TNS1: variants seen among roughly 807,000 people sequenced by gnomAD.
TNS1 encodes the protein tensin 1.
Under a neutral mutation model 168.6 loss-of-function variants are expected in TNS1, and 62 were observed. The ratio of observed to expected loss-of-function variants is 0.37; its 90% CI spans 0.30 to 0.45. TNS1 has a LOEUF of 0.45. Ranked by LOEUF, TNS1 falls within the 20% of genes least tolerant of loss-of-function variation. The pLI, the probability that TNS1 is intolerant of heterozygous loss-of-function variation, is 1.00. For missense variants in TNS1, 2,240 were observed against 2,339.4 expected (o/e 0.96, Z 0.88); for synonymous variants, 934 against 933.2 (o/e 1.00, Z -0.02).
chr2:217,898,607 T>G (rs1575001266), intron 7 of TNS1, among the ~76,000 whole-genome samples: 5 of 152,260 alleles, frequency 3.3e-5, no homozygotes, highest in Admixed American at 2.0e-4. Flanking sequence ...CTTGGCCTTC[T>G]CCCCACCTCT....
intron 10 of TNS1, 91 bp downstream of exon 10, chr2:217,893,348 A>C (rs1010294586): frequency 5.4e-6 from 8 of 1,474,316 alleles, no homozygotes; most frequent in African/African-American, 1.4e-5. Context: ...AGGTACACAC[A>C]ATCATCCAAG....
intron 18 of TNS1, among the ~76,000 whole-genome samples, chr2:217,871,505 G>A (rs1374788089): frequency 1.3e-5 from 2 of 152,224 alleles, no homozygotes; most frequent in Non-Finnish European, 2.9e-5. Context: ...ATTTCCCTGA[G>A]TTATCTGGGA....
rs199828534 is a variant in TNS1 at position 217,847,834 on chromosome 2, C to T, written c.2683G>A (p.Gly895Arg). 6 of 1,593,630 alleles carry T rather than the reference C, an allele frequency of 3.8e-6. No individual in the cohort carries two copies. Among genetic ancestry groups the T allele is most frequent in the Middle Eastern group, 3.3e-4 (2 of 5,986 alleles). Residue 895 changes from glycine (G) to arginine (R), a missense_variant, in exon 19 of 33, where the codon GGG (glycine) becomes AGG (arginine). Physicochemically the swap from Gly to Arg is moderately radical, Grantham distance 125. Around this residue, in one of 2 missense-constraint regions of TNS1, gnomAD observed 2,131 missense variants for 2,171.2 expected, o/e 0.98. Coordinates refer to ENST00000682258, the MANE Select transcript of TNS1 (RefSeq NM_001387777.1). ...TQSRSGYIPS[G>R]HSLGTPEPAP... ...GGCTCAGGGGTTCCCAACGAATGCC[C>T]ACTGGGGATATAGCCAGATCTGGAC...
chr2:218,002,791 CG>C (rs1559408973), intron 1 of TNS1, 48 bp downstream of exon 1: 1 of 456,208 alleles, frequency 2.2e-6, no homozygotes, highest in East Asian at 7.0e-5. Context: ...CGGTGGGGGG[CG>C]GGGGGTTTGA....
chr2:217,827,534 G>C (rs1297988054), intron 22 of TNS1, among the ~76,000 whole-genome samples: 1 of 152,180 alleles, frequency 6.6e-6, no homozygotes, highest in Non-Finnish European at 1.5e-5. Flanking sequence ...GCCACGGGCA[G>C]CAATTCCAAC....
Position 217,906,111 on chromosome 2 carries a change from C to A in TNS1, c.321+224G>T, listed in dbSNP as rs373887905. ...ACCCGCCCTGAGCACCGAGGCCTGG[C>A]GCAGTCGCTGATGAATGAGCTCTGG... On this transcript the variant is annotated intron_variant, in intron 6 of 32. Coordinates refer to ENST00000682258, the MANE Select transcript of TNS1 (RefSeq NM_001387777.1). Among the ~76,000 whole-genome samples the A allele has an allele frequency of 1.9e-4, 29 of 152,276 alleles. No homozygotes were observed. In the East Asian group the frequency reaches 4.2e-3, roughly 22 times the overall value.
intron 3 of TNS1, among the ~76,000 whole-genome samples, chr2:217,936,189 T>C (rs113077169): frequency 2.0e-5 from 3 of 152,020 alleles, no homozygotes; most frequent in Admixed American, 1.3e-4. Flanking sequence ...GGAACACTCC[T>C]GTTCGTTCAT....
chr2:217,843,030 T>G (rs41497947), intron 19 of TNS1, among the ~76,000 whole-genome samples: 65,775 of 151,920 alleles, frequency 0.43, 15,088 homozygotes, highest in African/African-American at 0.6. Context: ...TTTGCCACCA[T>G]TTTCACAAAG....
intron 3 of TNS1, among the ~76,000 whole-genome samples, chr2:217,971,242 C>T (rs1232139821): frequency 3.3e-5 from 5 of 152,188 alleles, no homozygotes; most frequent in Admixed American, 6.5e-5. Flanking sequence ...ATCTCCCCAC[C>T]ACTCCCAACT....
chr2:217,921,527 G>C (rs992241442), intron 3 of TNS1, among the ~76,000 whole-genome samples: 2 of 152,356 alleles, frequency 1.3e-5, no homozygotes, highest in South Asian at 4.1e-4. Context: ...CAGCAGCCCA[G>C]ATAAGGTCAG....
At chr2:217,884,511 G>T (rs1951006957) in intron 16 of TNS1, among the ~76,000 whole-genome samples, 1 of 152,092 alleles carries the variant, frequency 6.6e-6, no homozygotes, top group South Asian at 2.1e-4. Context: ...TCAGAAAATG[G>T]TTCCCCCTTG....
chr2:217,805,519 C>CACACACTACCACCGCATACAT (rs1938552234), intron 32 of TNS1, among the ~76,000 whole-genome samples: 1 of 3,972 alleles, frequency 2.5e-4, no homozygotes, highest in Non-Finnish European at 8.1e-4. Flanking sequence ...ACACACACCA[C>CACACACTACCACCGCATACAT]ACACACCACA....
At chr2:217,976,666 C>G (rs574251062) in intron 3 of TNS1, among the ~76,000 whole-genome samples, 9 of 152,344 alleles carry the variant, frequency 5.9e-5, no homozygotes, top group Non-Finnish European at 1.2e-4. Flanking sequence ...CCCAAAAAGT[C>G]ATCTTTGCCA....
intron 23 of TNS1, among the ~76,000 whole-genome samples, chr2:217,821,490 C>T (rs1218945445): frequency 1.3e-5 from 2 of 152,188 alleles, no homozygotes; most frequent in Non-Finnish European, 1.5e-5. Context: ...TCACTCCTTC[C>T]AGCACAGTTT....
intron 19 of TNS1, among the ~76,000 whole-genome samples, chr2:217,836,858 C>T (rs545026954): frequency 4.6e-5 from 7 of 152,212 alleles, no homozygotes; most frequent in Admixed American, 1.3e-4. Flanking sequence ...AAGATAGCGG[C>T]GGATCCCACC....
chr2:217,859,492 T>G, intron 18 of TNS1: 1 of 676,670 alleles, frequency 1.5e-6, no homozygotes, highest in South Asian at 1.7e-5. Flanking sequence ...ATAGAAGGAC[T>G]GGGGTGTCAC....
intron 3 of TNS1, among the ~76,000 whole-genome samples, chr2:217,930,395 T>C (rs184682347): frequency 5.9e-5 from 9 of 152,214 alleles, no homozygotes; most frequent in East Asian, 3.9e-4. Context: ...GGAGGAGAGA[T>C]GCCAGGGGTC....
chr2:217,855,589 T>G (rs983231617), intron 18 of TNS1, among the ~76,000 whole-genome samples: 1 of 151,354 alleles, frequency 6.6e-6, no homozygotes. Flanking sequence ...TCCCTCTCCC[T>G]AGGGCCGGTT....
At chr2:217,918,297 G>C (rs1002757680) in intron 4 of TNS1, among the ~76,000 whole-genome samples, 6 of 152,216 alleles carry the variant, frequency 3.9e-5, no homozygotes, top group Non-Finnish European at 5.9e-5. Flanking sequence ...AGGGAGCGGG[G>C]GAGCTGGGAT....
Sources: allele counts gnomAD v4.1 joint callset (sites outside exome capture counted in the v4.1 genomes callset), GRCh38; gene constraint gnomAD v4.1.1; regional missense constraint gnomAD v4.1.1; transcripts MANE v1.5; gene names NCBI Gene and HGNC (gene_info 2026-07-23, HGNC 2026-07-21).